The following TRPM3 variants were observed in gnomAD, a reference collection of about 807,000 sequenced individuals.
TRPM3 encodes long transient receptor potential channel 3.
A neutral mutation model predicts 181.2 loss-of-function variants in TRPM3; 77 were observed. The ratio of observed to expected loss-of-function variants is 0.42; its 90% confidence interval spans 0.35 to 0.51. The LOEUF (loss-of-function observed/expected upper bound fraction) is 0.51. Among genes scored for constraint, TRPM3 ranks in the 20% least tolerant of loss-of-function variants. The pLI is 0.01. For missense variants in TRPM3, 1,759 were observed against 2,196.7 expected (o/e 0.80, Z 3.98); for synonymous variants, 745 against 796.4 (o/e 0.94, Z 1.09).
At chr9:70,877,029 G>A (rs2095878942) in intron 1 of TRPM3, among the ~76,000 whole-genome samples, 1 of 151,906 alleles carries the variant, frequency 6.6e-6, no homozygotes, top group Non-Finnish European at 1.5e-5. Context: ...GTATTGTACA[G>A]TTTTATGGCT....
At chr9:70,624,681 T>C (rs1473367815) in intron 14 of TRPM3, among the ~76,000 whole-genome samples, 11 of 152,178 alleles carry the variant, frequency 7.2e-5, no homozygotes. Context: ...AACCAGAATA[T>C]CCTACAACAG....
intron 1 of TRPM3, among the ~76,000 whole-genome samples, chr9:71,195,859 A>G (rs909245735): frequency 6.6e-6 from 1 of 152,116 alleles, no homozygotes; most frequent in African/African-American, 2.4e-5. Flanking sequence ...ACACAGGAAC[A>G]GAAAACCAAA....
intron 25 of TRPM3, among the ~76,000 whole-genome samples, chr9:70,547,887 G>A (rs1443051938): frequency 1.3e-5 from 2 of 152,198 alleles, no homozygotes; most frequent in South Asian, 2.1e-4. Context: ...TCAAGTGGAT[G>A]TACTATAGTT....
chr9:71,032,094 TATA>T (rs1251607613), intron 1 of TRPM3, among the ~76,000 whole-genome samples: 13 of 91,514 alleles, frequency 1.4e-4, no homozygotes, highest in African/African-American at 1.2e-4. Flanking sequence ...TATATAATTA[TATA>T]ATATTATATA....
intron 8 of TRPM3, among the ~76,000 whole-genome samples, chr9:70,740,875 C>G (rs367966484): frequency 6.6e-6 from 1 of 152,114 alleles, no homozygotes; most frequent in Non-Finnish European, 1.5e-5. Context: ...GAGATAACAT[C>G]GGAAAAACCC....
chr9:71,387,399 C>A (rs1019235694), intron 1 of TRPM3, among the ~76,000 whole-genome samples: 1 of 152,100 alleles, frequency 6.6e-6, no homozygotes, highest in Non-Finnish European at 1.5e-5. Context: ...GTTTATAGAG[C>A]CACAGATGTT....
At chr9:70,619,398 G>A (rs1021407694) in intron 16 of TRPM3, among the ~76,000 whole-genome samples, 4 of 135,306 alleles carry the variant, frequency 3.0e-5, no homozygotes, top group African/African-American at 8.1e-5. Context: ...GTATGTCATC[G>A]TCGTCTTCTT....
intron 1 of TRPM3, among the ~76,000 whole-genome samples, chr9:71,332,346 C>T (rs962275096): frequency 6.7e-6 from 1 of 149,958 alleles, no homozygotes; most frequent in Admixed American, 6.6e-5. Context: ...CCCCCAAAAA[C>T]TTAGTCTAGG....
chr9:71,060,459 GT>G (rs1485480607), intron 1 of TRPM3, among the ~76,000 whole-genome samples: 5 of 152,106 alleles, frequency 3.3e-5, no homozygotes, highest in African/African-American at 1.2e-4. Flanking sequence ...ATTCTTGGAA[GT>G]TCAGTAACAT....
At chr9:71,409,829 T>A (rs1163307047) in intron 1 of TRPM3, among the ~76,000 whole-genome samples, 1 of 152,164 alleles carries the variant, frequency 6.6e-6, no homozygotes, top group Non-Finnish European at 1.5e-5. Flanking sequence ...CACATTGCAC[T>A]TATTCTAAAA....
chr9:71,200,782 G>A (rs1161975264), intron 1 of TRPM3, among the ~76,000 whole-genome samples: 11 of 152,024 alleles, frequency 7.2e-5, no homozygotes, highest in Non-Finnish European at 1.5e-4. Flanking sequence ...CACGTGAGAT[G>A]GGTTACCTGA....
chr9:70,793,455 CA>C (rs71507012), intron 6 of TRPM3: 4,047 of 107,026 alleles, frequency 0.038, 137 homozygotes, highest in African/African-American at 0.11. Context: ...GGCTTTGTCT[CA>C]AAAAAAAAAA....
intron 1 of TRPM3, among the ~76,000 whole-genome samples, chr9:70,922,172 A>AT (rs757173856): frequency 1.3e-5 from 2 of 152,040 alleles, no homozygotes; most frequent in Non-Finnish European, 2.9e-5. Context: ...TTGAACAACC[A>AT]TTTTTCTGAC....
At chr9:71,046,326 G>A (rs1331420465) in intron 1 of TRPM3, among the ~76,000 whole-genome samples, 3 of 152,096 alleles carry the variant, frequency 2.0e-5, no homozygotes, top group African/African-American at 7.2e-5. Flanking sequence ...TTATCTCAGA[G>A]CATTCTGTGA....
intron 1 of TRPM3, among the ~76,000 whole-genome samples, chr9:70,897,110 C>A (rs969760249): frequency 3.4e-5 from 5 of 145,648 alleles, no homozygotes; most frequent in African/African-American, 1.3e-4. Context: ...CAGATTTTTT[C>A]TTTTAGCTAT....
chr9:70,551,091 A>G (rs2046346948), intron 24 of TRPM3, among the ~76,000 whole-genome samples: 1 of 152,220 alleles, frequency 6.6e-6, no homozygotes, highest in Non-Finnish European at 1.5e-5. Context: ...CTTTGGCTAT[A>G]TGTAACGCCT....
chr9:71,368,259 T>C (rs1206581559), intron 1 of TRPM3, among the ~76,000 whole-genome samples: 4 of 152,152 alleles, frequency 2.6e-5, no homozygotes, highest in African/African-American at 9.7e-5. Context: ...TGATTACTTG[T>C]TTGACAGCTG....
chr9:70,686,686 TTTCCTTCCTTCCTTCCTTCC>T (rs778689995), intron 8 of TRPM3, among the ~76,000 whole-genome samples: 335 of 58,750 alleles, frequency 5.7e-3, no homozygotes, highest in Middle Eastern at 0.019. Context: ...TCCTTCCTTC[TTTCCTTCCTTCCTTCCTTCC>T]TTCCTTCCTT....
At chr9:71,037,474 T>C (rs1370872058) in intron 1 of TRPM3, among the ~76,000 whole-genome samples, 1 of 152,268 alleles carries the variant, frequency 6.6e-6, no homozygotes, top group Non-Finnish European at 1.5e-5. Flanking sequence ...ATATGTGATA[T>C]GTGTGCATAT....
Sources: allele counts gnomAD v4.1 joint callset (sites outside exome capture counted in the v4.1 genomes callset), GRCh38; gene constraint gnomAD v4.1.1; transcripts MANE v1.5; gene names NCBI Gene and HGNC (gene_info 2026-07-23, HGNC 2026-07-21).